GLMN: variants seen among roughly 807,000 people sequenced by gnomAD.
The protein encoded by GLMN is glomulin.
A neutral mutation model predicts 87.8 loss-of-function variants in GLMN; 75 were observed. The ratio of observed to expected loss-of-function variants is 0.85; its 90% CI spans 0.71 to 1.04. GLMN has a LOEUF of 1.04. Among genes scored for constraint, GLMN ranks in the 50% least tolerant of loss-of-function variants. GLMN has a pLI of 0.00. For missense variants in GLMN, 588 were observed against 658.8 expected (o/e 0.89, Z 1.18); for synonymous variants, 206 against 221.6 (o/e 0.93, Z 0.63).
intron 7 of GLMN, among the ~76,000 whole-genome samples, chr1:92,271,901 T>G (rs1656284652): frequency 6.6e-6 from 1 of 152,220 alleles, no homozygotes; most frequent in Non-Finnish European, 1.5e-5. Context: ...GATTTTGAGT[T>G]GGGTGGCCCT....
the GLMN span, among the ~76,000 whole-genome samples, chr1:92,329,241 C>T: frequency 8.5e-5 from 13 of 152,132 alleles, no homozygotes; most frequent in South Asian, 2.1e-4. Flanking sequence ...CCTTTGTCTT[C>T]GGCTACCAGG....
intron 16 of GLMN, among the ~76,000 whole-genome samples, chr1:92,260,176 A>G (rs1159043843): frequency 2.6e-5 from 4 of 152,222 alleles, no homozygotes; most frequent in African/African-American, 7.2e-5. Flanking sequence ...CAAGATAGAC[A>G]GGCTTTTAAG....
chr1:92,260,947 T>A (rs1471651382), intron 16 of GLMN, among the ~76,000 whole-genome samples: 1 of 152,164 alleles, frequency 6.6e-6, no homozygotes, highest in Non-Finnish European at 1.5e-5. Flanking sequence ...TGCCTTTGTA[T>A]TACTCTGTGT....
the GLMN span, chr1:92,363,694 TCTC>T: frequency 1.2e-4 from 35 of 302,978 alleles, no homozygotes; most frequent in South Asian, 2.0e-4. Flanking sequence ...CACTTCTCTT[TCTC>T]CTCCTCCTCA....
chr1:92,333,408 A>C, the GLMN span: 1 of 1,613,348 alleles, frequency 6.2e-7, no homozygotes, highest in Non-Finnish European at 8.5e-7. Flanking sequence ...CCACCTTTCC[A>C]CTGATAGACT....
the GLMN span, chr1:92,333,362 GT>G: frequency 6.5e-7 from 1 of 1,535,938 alleles, no homozygotes; most frequent in African/African-American, 1.4e-5. Context: ...TTATGATTCT[GT>G]TTTGCTTTGT....
At chr1:92,262,587 TTGAC>T (rs755797407) in intron 16 of GLMN, among the ~76,000 whole-genome samples, 2 of 152,336 alleles carry the variant, frequency 1.3e-5, no homozygotes, top group Non-Finnish European at 2.9e-5. Context: ...ACAAGGTTAG[TTGAC>T]TTAGGACCTG....
chr1:92,279,990 C>T (rs538774307), intron 7 of GLMN, among the ~76,000 whole-genome samples: 4 of 152,388 alleles, frequency 2.6e-5, no homozygotes, highest in Non-Finnish European at 5.9e-5. Flanking sequence ...CACCGCAACT[C>T]AGCAAGGCCT....
chr1:92,294,357 C>T lies in GLMN; in HGVS notation c.166-2820G>A, dbSNP rs560380175. ...GATAATAAAAATAGAGTATACGATA[C>T]AGTAGTCTCCCCACTTATCTGCAGG... On this transcript the variant is annotated intron_variant, in intron 3 of 18. Transcript: ENST00000370360. Among the ~76,000 whole-genome samples the T allele has an allele frequency of 2.0e-4, 30 of 152,254 alleles. No individual in the cohort carries two copies. In the South Asian group the frequency reaches 5.8e-3, roughly 29 times the overall value.
At chr1:92,361,886 G>A in the GLMN span, among the ~76,000 whole-genome samples, 8 of 152,080 alleles carry the variant, frequency 5.3e-5, no homozygotes, top group Non-Finnish European at 1.0e-4. Flanking sequence ...ATTGGTTATA[G>A]AGCAGTTAAT....
chr1:92,258,067 GAAAA>G (rs529396798), intron 16 of GLMN, among the ~76,000 whole-genome samples: 1 of 149,820 alleles, frequency 6.7e-6, no homozygotes, highest in African/African-American at 2.4e-5. Flanking sequence ...AAATTTATAA[GAAAA>G]AAAAACCCAT....
chr1:92,344,534 A>G, the GLMN span, among the ~76,000 whole-genome samples: 48 of 152,356 alleles, frequency 3.2e-4, no homozygotes, highest in Non-Finnish European at 6.0e-4. Flanking sequence ...TTATTTTTCT[A>G]TTACAAGCAA....
chr1:92,272,690 T>C (rs1007869462), intron 7 of GLMN, among the ~76,000 whole-genome samples: 1 of 152,132 alleles, frequency 6.6e-6, no homozygotes, highest in Non-Finnish European at 1.5e-5. Context: ...GGAAACACTG[T>C]TGATCTCTCA....
the GLMN span, among the ~76,000 whole-genome samples, chr1:92,354,890 AATTATTATT>A: frequency 9.5e-5 from 14 of 147,684 alleles, no homozygotes; most frequent in South Asian, 6.4e-4. Flanking sequence ...AATTTATGTA[AATTATTATT>A]ATTATTATTA....
chr1:92,322,442 G>A, the GLMN span, among the ~76,000 whole-genome samples: 1 of 151,738 alleles, frequency 6.6e-6, no homozygotes, highest in Non-Finnish European at 1.5e-5. Context: ...TACTTGGGAG[G>A]CTGAGGCAGG....
At chr1:92,328,803 G>T in the GLMN span, among the ~76,000 whole-genome samples, 5 of 152,182 alleles carry the variant, frequency 3.3e-5, no homozygotes, top group African/African-American at 4.8e-5. Flanking sequence ...GGACTCAAGG[G>T]CTGCTGTTTA....
At chr1:92,344,138 C>A in the GLMN span, among the ~76,000 whole-genome samples, 1 of 152,150 alleles carries the variant, frequency 6.6e-6, no homozygotes, top group Middle Eastern at 3.4e-3. Flanking sequence ...AGCTGGGCAC[C>A]GTAGCTCATA....
the GLMN span, among the ~76,000 whole-genome samples, chr1:92,351,325 AAAAG>A: frequency 4.7e-5 from 7 of 150,414 alleles, no homozygotes; most frequent in South Asian, 2.1e-4. Context: ...AAAAAAAAAA[AAAAG>A]AAAGGACCAT....
the GLMN span, among the ~76,000 whole-genome samples, chr1:92,316,146 T>G: frequency 3.3e-5 from 5 of 152,296 alleles, no homozygotes; most frequent in Non-Finnish European, 2.9e-5. Context: ...AATTATGATT[T>G]TAAAGATGAA....
Sources: allele counts gnomAD v4.1 joint callset (sites outside exome capture counted in the v4.1 genomes callset), GRCh38; gene constraint gnomAD v4.1.1; transcripts MANE v1.5; gene names NCBI Gene and HGNC (gene_info 2026-07-23, HGNC 2026-07-21).